Variants in CCNY observed in about 807,000 individuals in gnomAD.
CCNY encodes cyclin-Y.
A neutral mutation model predicts 42.8 loss-of-function variants in CCNY; 19 were observed. The ratio of observed to expected loss-of-function variants is 0.44; its 90% confidence interval spans 0.31 to 0.65. The LOEUF (loss-of-function observed/expected upper bound fraction) is 0.65. CCNY is among the 30% of genes least tolerant of loss of function. The pLI is 0.07. For synonymous variants in CCNY, 165 were observed against 162.7 expected, an observed-to-expected ratio of 1.01 and a Z score of -0.11; for missense variants, 370 against 437.3, an observed-to-expected ratio of 0.85 and a Z score of 1.37.
chr10:35,261,395 T>A (rs36027395), intron 3 of CCNY, among the ~76,000 whole-genome samples: 55,188 of 151,262 alleles, frequency 0.36, 10,536 homozygotes, highest in African/African-American at 0.49. Flanking sequence ...ATGCTAACAC[T>A]CTTGGCTAAT....
intron 3 of CCNY, among the ~76,000 whole-genome samples, chr10:35,513,688 G>T (rs981524941): frequency 6.6e-6 from 1 of 152,134 alleles, no homozygotes; most frequent in Non-Finnish European, 1.5e-5. Flanking sequence ...CAGGTAACTT[G>T]CCCAGGCCAC....
intron 1 of CCNY, among the ~76,000 whole-genome samples, chr10:35,381,078 G>T (rs1259241351): frequency 6.6e-6 from 1 of 152,186 alleles, no homozygotes; most frequent in Non-Finnish European, 1.5e-5. Context: ...TTTAATAACA[G>T]TAATAAAAGC....
intron 3 of CCNY, among the ~76,000 whole-genome samples, chr10:35,330,992 T>A (rs1039494272): frequency 6.6e-6 from 1 of 152,216 alleles, no homozygotes; most frequent in Non-Finnish European, 1.5e-5. Context: ...ACTCTCGACC[T>A]CAGGTGATCC....
intron 1 of CCNY, among the ~76,000 whole-genome samples, chr10:35,342,358 A>T (rs1836200667): frequency 6.6e-6 from 1 of 152,216 alleles, no homozygotes; most frequent in Non-Finnish European, 1.5e-5. Flanking sequence ...GCTAAGACTT[A>T]TCAGCCCTGC....
intron 1 of CCNY, among the ~76,000 whole-genome samples, chr10:35,379,372 G>A (rs746371824): frequency 1.3e-5 from 2 of 152,214 alleles, no homozygotes; most frequent in African/African-American, 2.4e-5. Context: ...TTGCCCAGAT[G>A]GGGGCAGAAG....
At chr10:35,557,697 A>G (rs1350624374) in intron 8 of CCNY, among the ~76,000 whole-genome samples, 1 of 152,200 alleles carries the variant, frequency 6.6e-6, no homozygotes, top group Non-Finnish European at 1.5e-5. Context: ...CGGAGGTTGC[A>G]ATGAGCCGAG....
intron 3 of CCNY, among the ~76,000 whole-genome samples, chr10:35,507,262 CATATATATGTGTGTGT>C (rs974687934): frequency 1.4e-4 from 22 of 152,080 alleles, no homozygotes; most frequent in Non-Finnish European, 2.8e-4. Context: ...TTTATATATA[CATATATATGTGTGTGT>C]ATATATATGT....
At chr10:35,366,799 T>A (rs1836817620) in intron 1 of CCNY, among the ~76,000 whole-genome samples, 1 of 152,254 alleles carries the variant, frequency 6.6e-6, no homozygotes. Flanking sequence ...AGTCAAACAT[T>A]TGAAACGTAG....
At chr10:35,388,230 G>A (rs917683103) in intron 1 of CCNY, among the ~76,000 whole-genome samples, 1 of 152,180 alleles carries the variant, frequency 6.6e-6, no homozygotes. Flanking sequence ...TATTTGTAGA[G>A]TATATAGGTA....
At chr10:35,294,444 T>C (rs772231498) in intron 3 of CCNY, among the ~76,000 whole-genome samples, 2 of 152,244 alleles carry the variant, frequency 1.3e-5, no homozygotes, top group Non-Finnish European at 2.9e-5. Flanking sequence ...TGTTCCTAGT[T>C]TGTTGAATGT....
At chr10:35,426,314 A>G (rs1056093008) in intron 1 of CCNY, among the ~76,000 whole-genome samples, 1 of 152,152 alleles carries the variant, frequency 6.6e-6, no homozygotes, top group Non-Finnish European at 1.5e-5. Context: ...CTCTGCAAAC[A>G]TGCTGTGTTG....
intron 3 of CCNY, among the ~76,000 whole-genome samples, chr10:35,289,002 T>A (rs1474960520): frequency 6.6e-6 from 1 of 152,208 alleles, no homozygotes; most frequent in Non-Finnish European, 1.5e-5. Flanking sequence ...ACTGCAATAG[T>A]GATTGTACTG....
In CCNY at chr10:35,428,230, A is replaced by G. The variant is rs184454691; in HGVS notation, c.155-55174A>G. 4.3e-4 allele frequency among the ~76,000 whole-genome samples: 65 copies of G among 152,286 alleles called. No individual in the cohort carries two copies. In the East Asian group the frequency reaches 9.7e-3, roughly 23 times the overall value. On this transcript the variant is annotated intron_variant, in intron 1 of 9. Coordinates refer to ENST00000374704, the MANE Select transcript of CCNY (RefSeq NM_145012.6). The stretch of plus-strand genomic sequence containing the variant: ...TTCACAACCGAGATCAAGCCACCCC[A>G]ATGAGTGGCAGGTATGTTCCTTGAT...
chr10:35,301,108 A>G (rs1835528560), intron 3 of CCNY, among the ~76,000 whole-genome samples: 1 of 152,126 alleles, frequency 6.6e-6, no homozygotes, highest in Non-Finnish European at 1.5e-5. Context: ...GTGCCCGACT[A>G]TTATACCCAT....
At chr10:35,317,008 G>A (rs993879386) in intron 3 of CCNY, among the ~76,000 whole-genome samples, 18 of 152,246 alleles carry the variant, frequency 1.2e-4, no homozygotes, top group African/African-American at 4.3e-4. Context: ...ACCACGCCCG[G>A]CTAATTTTTC....
intron 1 of CCNY, among the ~76,000 whole-genome samples, chr10:35,464,902 ACAG>A (rs1839226291): frequency 6.6e-6 from 1 of 152,230 alleles, no homozygotes; most frequent in Admixed American, 6.5e-5. Context: ...GCTGTCTGCA[ACAG>A]CAGATTTCAT....
rs1395682773 is a variant in CCNY, at chr10:35,349,967, G to A, written c.154+12760G>A. On this transcript the variant is annotated intron_variant, in intron 1 of 9. Coordinates refer to ENST00000374704, the MANE Select transcript of CCNY (RefSeq NM_145012.6). ...CGTATCTGTCACTTGCACACATCAC[G>A]GCCTCAGGGGTTGCAGGGGTTGCAC... Among the ~76,000 whole-genome samples the A allele has an allele frequency of 3.3e-5, 5 of 152,162 alleles. No homozygotes were observed. In the East Asian group the frequency reaches 7.7e-4, roughly 23 times the overall value.
intron 9 of CCNY, among the ~76,000 whole-genome samples, chr10:35,568,529 A>T (rs1256432831): frequency 6.6e-6 from 1 of 152,048 alleles, no homozygotes; most frequent in Non-Finnish European, 1.5e-5. Flanking sequence ...TCTTTCGGCA[A>T]CCCTCTAGAG....
chr10:35,383,714 C>G (rs1196701659), intron 1 of CCNY, among the ~76,000 whole-genome samples: 3 of 152,186 alleles, frequency 2.0e-5, no homozygotes, highest in African/African-American at 7.2e-5. Context: ...AGCTACCTGA[C>G]CCCTCCCTTA....
Sources: allele counts gnomAD v4.1 joint callset (sites outside exome capture counted in the v4.1 genomes callset), GRCh38; gene constraint gnomAD v4.1.1; transcripts MANE v1.5; gene names NCBI Gene and HGNC (gene_info 2026-07-23, HGNC 2026-07-21).